Variants in UGGT2 observed in about 807,000 individuals in gnomAD.
UGGT2 encodes UDP-glucose:glycoprotein glucosyltransferase 2.
In UGGT2, 180 loss-of-function variants were observed where a neutral mutation model predicts 192.1. The ratio of observed to expected loss-of-function variants is 0.94; its 90% CI spans 0.83 to 1.06. The LOEUF (loss-of-function observed/expected upper bound fraction) is 1.06. Among genes scored for constraint, UGGT2 ranks in the 50% least tolerant of loss-of-function variants. The probability of loss-of-function intolerance (pLI) is 0.00; values close to 1 mark genes in which losing one functional copy is unlikely to be tolerated. For synonymous variants in UGGT2, 580 were observed against 591.0 expected, an observed-to-expected ratio of 0.98 and a Z score of 0.27; for missense variants, 1,849 against 1,795.7, an observed-to-expected ratio of 1.03 and a Z score of -0.54.
chr13:96,012,581 C>T (rs113717509), intron 5 of UGGT2, among the ~76,000 whole-genome samples: 11 of 151,876 alleles, frequency 7.2e-5, no homozygotes, highest in Admixed American at 1.3e-4. Flanking sequence ...GCAAAGGCTA[C>T]GGACAGGCAA....
chr13:95,945,658 ATGATC>A (rs1162947803), intron 15 of UGGT2, among the ~76,000 whole-genome samples: 1 of 152,168 alleles, frequency 6.6e-6, no homozygotes, highest in African/African-American at 2.4e-5. Flanking sequence ...GAATATCATA[ATGATC>A]CTTTACAATA....
chr13:95,976,183 G>A (rs1301053956), intron 10 of UGGT2, among the ~76,000 whole-genome samples: 1 of 152,092 alleles, frequency 6.6e-6, no homozygotes, highest in African/African-American at 2.4e-5. Context: ...ATAACTTGTA[G>A]TATGTCTTTC....
At chr13:96,012,064 A>G (rs1566823329) in intron 5 of UGGT2, among the ~76,000 whole-genome samples, 1 of 152,114 alleles carries the variant, frequency 6.6e-6, no homozygotes, top group Non-Finnish European at 1.5e-5. Flanking sequence ...AATATATTTT[A>G]AAGCTACAGC....
chr13:96,003,037 C>T (rs986200680), intron 5 of UGGT2, among the ~76,000 whole-genome samples: 3 of 152,132 alleles, frequency 2.0e-5, no homozygotes, highest in Non-Finnish European at 4.4e-5. Context: ...ACATGAATGA[C>T]GTGCACGTGA....
chr13:95,967,087 T>A (rs1270222227), intron 12 of UGGT2, among the ~76,000 whole-genome samples: 1 of 152,180 alleles, frequency 6.6e-6, no homozygotes, highest in East Asian at 1.9e-4. Context: ...ACTGTTTTTT[T>A]ATGATAGTTT....
intron 2 of UGGT2, among the ~76,000 whole-genome samples, chr13:96,024,799 G>C (rs796796901): frequency 5.3e-5 from 8 of 152,330 alleles, no homozygotes; most frequent in African/African-American, 1.7e-4. Flanking sequence ...ATAACAAGAA[G>C]AATGTGGTTA....
intron 38 of UGGT2, among the ~76,000 whole-genome samples, chr13:95,829,182 A>G (rs1303218426): frequency 6.6e-6 from 1 of 152,208 alleles, no homozygotes; most frequent in Non-Finnish European, 1.5e-5. Flanking sequence ...AAATAATAAG[A>G]GCGATTTATG....
intron 38 of UGGT2, among the ~76,000 whole-genome samples, chr13:95,806,945 C>CA (rs1229111724): frequency 2.0e-5 from 3 of 152,076 alleles, no homozygotes; most frequent in Non-Finnish European, 4.4e-5. Flanking sequence ...AGAAAACATA[C>CA]ATGGAAATCT....
intron 12 of UGGT2, among the ~76,000 whole-genome samples, chr13:95,967,481 T>G (rs1594463116): frequency 1.3e-5 from 2 of 150,670 alleles, no homozygotes; most frequent in East Asian, 1.9e-4. Flanking sequence ...TTTTTGTTTT[T>G]TTTTTTTTTT....
chr13:95,935,195 C>G (rs947012308), intron 17 of UGGT2, among the ~76,000 whole-genome samples: 3 of 152,102 alleles, frequency 2.0e-5, no homozygotes, highest in Non-Finnish European at 4.4e-5. Flanking sequence ...CATTTATATT[C>G]AAGGTTAATA....
chr13:95,927,210 T>C lies in UGGT2; in HGVS notation c.2101+3A>G, dbSNP rs1394960691. 7 of 1,611,108 alleles carry C rather than the reference T, an allele frequency of 4.3e-6. No homozygotes were observed. The South Asian group carries it at 7.7e-5, about 18-fold the overall frequency. ...TTTGTAGAACAGTATAGGATTATTT[T>C]ACCTGATGTAGATATTAAATTGAGG... is the stretch of plus-strand genomic sequence containing the variant. On this transcript the variant is annotated splice_donor_region_variant and intron_variant, in intron 18 of 38. Transcript: ENST00000376747.
At chr13:95,808,043 G>A (rs192302453) in intron 38 of UGGT2, among the ~76,000 whole-genome samples, 33 of 152,164 alleles carry the variant, frequency 2.2e-4, no homozygotes, top group Non-Finnish European at 3.8e-4. Context: ...GAGTTTGGGG[G>A]CCGATAGACA....
chr13:95,986,228 T>C (rs1033023561), intron 9 of UGGT2, 105 bp downstream of exon 9: 17 of 779,940 alleles, frequency 2.2e-5, no homozygotes, highest in African/African-American at 3.5e-5. Context: ...CTATATATAC[T>C]AGAACTAATT....
chr13:95,810,591 T>C (rs1479382796), intron 38 of UGGT2, among the ~76,000 whole-genome samples: 2 of 152,202 alleles, frequency 1.3e-5, no homozygotes, highest in Non-Finnish European at 2.9e-5. Flanking sequence ...GCTACATGGT[T>C]CTTCTGCAAG....
intron 1 of UGGT2, among the ~76,000 whole-genome samples, chr13:96,040,692 T>C (rs1265592735): frequency 6.6e-6 from 1 of 152,112 alleles, no homozygotes; most frequent in Non-Finnish European, 1.5e-5. Context: ...GGCAAACCCA[T>C]AGTAAAGTCA....
intron 1 of UGGT2, among the ~76,000 whole-genome samples, chr13:96,045,009 G>A (rs555538371): frequency 5.9e-5 from 9 of 151,934 alleles, no homozygotes; most frequent in Admixed American, 3.3e-4. Flanking sequence ...AGTATCATCC[G>A]AATACCAAAA....
At chr13:96,047,077 T>C (rs2047426203) in intron 1 of UGGT2, among the ~76,000 whole-genome samples, 1 of 152,162 alleles carries the variant, frequency 6.6e-6, no homozygotes, top group Non-Finnish European at 1.5e-5. Flanking sequence ...AGCAGAAACT[T>C]CTGCACACTT....
At chr13:95,913,474 A>C (rs982116003) in intron 20 of UGGT2, among the ~76,000 whole-genome samples, 1 of 152,254 alleles carries the variant, frequency 6.6e-6, no homozygotes, top group African/African-American at 2.4e-5. Context: ...CACAACCAAC[A>C]GACACATGGA....
At chr13:96,048,503 T>C (rs777416533) in intron 1 of UGGT2, among the ~76,000 whole-genome samples, 14 of 151,662 alleles carry the variant, frequency 9.2e-5, no homozygotes, top group Non-Finnish European at 1.6e-4. Flanking sequence ...CTGAAGGAGA[T>C]AGAGACACAA....
Sources: allele counts gnomAD v4.1 joint callset (sites outside exome capture counted in the v4.1 genomes callset), GRCh38; gene constraint gnomAD v4.1.1; transcripts MANE v1.5; gene names NCBI Gene and HGNC (gene_info 2026-07-23, HGNC 2026-07-21).